The following U2SURP variants were observed in gnomAD, a reference collection of about 807,000 sequenced individuals.
The protein encoded by U2SURP is U2 snRNP-associated SURP motif-containing protein.
Under a neutral mutation model 144.9 loss-of-function variants are expected in U2SURP, and 9 were observed. The ratio of observed to expected loss-of-function variants is 0.06; its 90% confidence interval spans 0.04 to 0.11. The LOEUF (loss-of-function observed/expected upper bound fraction) is 0.11. Ranked by LOEUF, U2SURP falls within the 10% of genes least tolerant of loss-of-function variation. U2SURP has a pLI of 1.00. For missense variants in U2SURP, 724 were observed against 1,226.7 expected (o/e 0.59, Z 6.12); for synonymous variants, 408 against 396.8 (o/e 1.03, Z -0.33).
chr3:143,059,105 TTTTC>T lies in U2SURP; in HGVS notation c.*2659_*2662del, dbSNP rs1208845837. 1 of 152,382 alleles carries T rather than the reference TTTTC, an allele frequency of 6.6e-6. No individual in the cohort carries two copies. Among genetic ancestry groups the T allele is most frequent in the Non-Finnish European group, 1.5e-5 (1 of 67,836 alleles). 9.4% of individuals were successfully genotyped at this position (152,382 alleles called of 1,614,324 possible). On this transcript the variant is annotated 3_prime_UTR_variant, in exon 28 of 28. Transcript: ENST00000473835. ...TGGAAAATGATCACGTCTCTGAATT[TTTTC>T]TTTAACGTTATAGTTCCTTATTACA... is the stretch of plus-strand genomic sequence containing the variant.
At chr3:143,018,472 C>A (rs1936484225) in intron 6 of U2SURP, among the ~76,000 whole-genome samples, 1 of 151,932 alleles carries the variant, frequency 6.6e-6, no homozygotes, top group South Asian at 2.1e-4. Context: ...TGGATTGTTT[C>A]CACTTTTCTG....
chr3:143,006,347 G>C (rs1166211690), intron 1 of U2SURP, among the ~76,000 whole-genome samples: 1 of 152,222 alleles, frequency 6.6e-6, no homozygotes, highest in African/African-American at 2.4e-5. Flanking sequence ...ATAGTGTGGA[G>C]TGTAATTTTG....
chr3:143,037,511 G>C (rs954491921), intron 21 of U2SURP, among the ~76,000 whole-genome samples, 176 bp downstream of exon 21: 1 of 151,852 alleles, frequency 6.6e-6, no homozygotes, highest in Non-Finnish European at 1.5e-5. Context: ...ACATTTATTT[G>C]TATGCTATGT....
At chr3:143,035,779 TA>T (rs1418024593) in intron 19 of U2SURP, among the ~76,000 whole-genome samples, 1 of 152,172 alleles carries the variant, frequency 6.6e-6, no homozygotes, top group Non-Finnish European at 1.5e-5. Flanking sequence ...TATTTATTTT[TA>T]GGGGTTTTTT....
rs1007223210 is a variant in U2SURP, at chr3:143,038,020, T to C, written c.2222-88T>C. 10 of 916,556 alleles carry C rather than the reference T, an allele frequency of 1.1e-5. No individual in the cohort carries two copies. In the African/African-American group the frequency reaches 1.4e-4, roughly 13 times the overall value. 56.8% of individuals were successfully genotyped at this position (916,556 alleles called of 1,614,324 possible). On this transcript the variant is annotated intron_variant, in intron 21 of 27. Coordinates refer to ENST00000473835, the MANE Select transcript of U2SURP (RefSeq NM_001080415.2). ...CATCTGTGTCCTTATTTTACTTTGCTTTTTAATAATATGGTGAATACCCAT... is the reference window on the plus strand; with the variant it reads ...CATCTGTGTCCTTATTTTACTTTGCCTTTTAATAATATGGTGAATACCCAT...
At chr3:143,018,980 C>T (rs973820230) in intron 6 of U2SURP, among the ~76,000 whole-genome samples, 4 of 152,114 alleles carry the variant, frequency 2.6e-5, no homozygotes, top group African/African-American at 9.7e-5. Context: ...TTATTTTAGT[C>T]ATTTTAGTGT....
In U2SURP at chr3:143,059,965, A is replaced by T. The variant is rs1161407875; in HGVS notation, c.*3515A>T. Reference sequence around the variant, plus strand: ...GTTACCAACTTCCTAGGACTTAGATAATATATAAATAAGTACAAATCCCAG... The same window carrying T: ...GTTACCAACTTCCTAGGACTTAGATTATATATAAATAAGTACAAATCCCAG... On this transcript the variant is annotated 3_prime_UTR_variant, in exon 28 of 28. Transcript: ENST00000473835. 6.6e-6 allele frequency: 1 copy of T among 152,404 alleles called. No homozygotes were observed. The highest frequency in any genetic ancestry group is 1.5e-5 in the Non-Finnish European group (1 of 67,866). The allele number at this position is 152,404 out of a possible 1,614,324, so 9.4% of individuals were successfully genotyped here. A position where few individuals can be genotyped will look rare whatever the true frequency, so the allele number is the denominator to read the frequency against.
intron 24 of U2SURP, among the ~76,000 whole-genome samples, chr3:143,046,863 T>C (rs367726810): frequency 1.7e-5 from 2 of 117,612 alleles, no homozygotes; most frequent in Admixed American, 7.9e-5. Context: ...GGTGGCCGGG[T>C]AGAGGGGCTC....
intron 20 of U2SURP, 77 bp downstream of exon 20, chr3:143,036,181 A>T (rs369357443): frequency 6.3e-6 from 9 of 1,425,282 alleles, no homozygotes; most frequent in African/African-American, 4.3e-5. Context: ...GTTCTGTGTT[A>T]CATATGTGAG....
At chr3:143,007,541 A>AC (rs1935907899) in intron 1 of U2SURP, among the ~76,000 whole-genome samples, 1 of 147,830 alleles carries the variant, frequency 6.8e-6, no homozygotes, top group Admixed American at 6.9e-5. Context: ...TCCCGGGTTC[A>AC]CGTCATTCTC....
At chr3:143,047,962 T>TG (rs1463552704) in intron 24 of U2SURP, among the ~76,000 whole-genome samples, 2 of 152,102 alleles carry the variant, frequency 1.3e-5, no homozygotes, top group East Asian at 3.9e-4. Flanking sequence ...GTGCCTAGGC[T>TG]GGAGTTTCCT....
At chr3:143,016,584 A>G (rs1936378336) in intron 5 of U2SURP, among the ~76,000 whole-genome samples, 1 of 152,196 alleles carries the variant, frequency 6.6e-6, no homozygotes, top group South Asian at 2.1e-4. Flanking sequence ...GAAGACAGAT[A>G]GCTTTTAAAC....
At chr3:143,014,451 T>C in intron 4 of U2SURP, 42 bp downstream of exon 4, 1 of 1,374,636 alleles carries the variant, frequency 7.3e-7, no homozygotes. Context: ...TGGAAATGAA[T>C]GTGTCTAAGG....
At chr3:143,034,836 G>C in intron 18 of U2SURP, 52 bp from the exon 19 acceptor site, 1 of 1,220,642 alleles carries the variant, frequency 8.2e-7, no homozygotes, top group Non-Finnish European at 1.2e-6. Flanking sequence ...ATGCTAAAAG[G>C]GAAAGGAATT....
chr3:143,027,384 A>G, intron 14 of U2SURP, 131 bp downstream of exon 14: 1 of 664,030 alleles, frequency 1.5e-6, no homozygotes, highest in Non-Finnish European at 2.4e-6. Flanking sequence ...ATCCATCTCC[A>G]GAACTTTTTT....
At chr3:143,054,837 G>A in intron 26 of U2SURP, 106 bp from the exon 27 acceptor site, 1 of 1,178,480 alleles carries the variant, frequency 8.5e-7, no homozygotes, top group Non-Finnish European at 1.2e-6. Context: ...TACATGGTTA[G>A]AATAAAAGAG....
Position 143,054,961 on chromosome 3 carries a change from A to C in U2SURP, c.2793A>C (p.Thr931=). ...TRKERKRRHS[T]SPSPSRSSSG... Reference sequence around the variant, plus strand: ...TCCATAGGAAGAGGCGACACAGTACATCCCCCAGCCCATCTCGCAGTAGCA... The same window carrying C: ...TCCATAGGAAGAGGCGACACAGTACCTCCCCCAGCCCATCTCGCAGTAGCA... Residue 931 remains threonine, a synonymous_variant, in exon 27 of 28, where the codon ACA becomes ACC. Coordinates refer to ENST00000473835, the MANE Select transcript of U2SURP (RefSeq NM_001080415.2). 7 of 1,606,462 alleles carry C rather than the reference A, an allele frequency of 4.4e-6. No individual in the cohort carries two copies. The highest frequency in any genetic ancestry group is 5.9e-6 in the Non-Finnish European group (7 of 1,177,358).
intron 12 of U2SURP, 30 bp downstream of exon 12, chr3:143,023,094 T>A (rs1413424539): frequency 6.6e-7 from 1 of 1,523,454 alleles, no homozygotes; most frequent in Non-Finnish European, 8.9e-7. Flanking sequence ...TAAGGCCGCA[T>A]CTAATTTGTA....
At chr3:143,041,120 T>G (rs1245468737) in intron 23 of U2SURP, among the ~76,000 whole-genome samples, 1 of 151,910 alleles carries the variant, frequency 6.6e-6, no homozygotes, top group Admixed American at 6.6e-5. Context: ...AATCAATATC[T>G]GCTGTATTAT....
Sources: gnomAD v4.1 joint callset for allele counts (sites outside exome capture counted in the v4.1 genomes callset) on GRCh38, gnomAD v4.1.1 for gene constraint, MANE v1.5 for transcripts, NCBI Gene and HGNC (gene_info 2026-07-23, HGNC 2026-07-21) for gene names.